The following GRIK1 variants were observed in gnomAD, a reference collection of about 807,000 sequenced individuals.
The protein encoded by GRIK1 is glutamate ionotropic receptor kainate type subunit 1, also known as glutamate receptor ionotropic, kainate 1.
In GRIK1, 69 loss-of-function variants were observed where a neutral mutation model predicts 105.7. The ratio of observed to expected loss-of-function variants is 0.65; its 90% CI spans 0.54 to 0.80. The LOEUF is 0.80. Ranked by LOEUF, GRIK1 falls within the 30% of genes least tolerant of loss-of-function variation. The pLI is 0.00. For synonymous variants in GRIK1, 438 were observed against 431.3 expected (o/e 1.02, Z -0.19); for missense variants, 1,109 against 1,167.3 (o/e 0.95, Z 0.73).
At chr21:29,776,730 G>A (rs2065953688) in intron 1 of GRIK1, among the ~76,000 whole-genome samples, 1 of 152,192 alleles carries the variant, frequency 6.6e-6, no homozygotes, top group Non-Finnish European at 1.5e-5. Context: ...ACAAGCAAAT[G>A]TGGACTTTTC....
At chr21:29,814,998 A>G (rs2067116884) in intron 1 of GRIK1, among the ~76,000 whole-genome samples, 1 of 152,146 alleles carries the variant, frequency 6.6e-6, no homozygotes, top group Non-Finnish European at 1.5e-5. Context: ...CATCCATTTT[A>G]TAAGCTTGTT....
intron 1 of GRIK1, among the ~76,000 whole-genome samples, chr21:29,771,539 A>C (rs868353204): frequency 6.6e-6 from 1 of 152,188 alleles, no homozygotes; most frequent in African/African-American, 2.4e-5. Flanking sequence ...TGGCCAGTGA[A>C]ATGTTATTCT....
chr21:29,671,097 C>CT (rs2063151419), intron 4 of GRIK1, among the ~76,000 whole-genome samples: 1 of 152,034 alleles, frequency 6.6e-6, no homozygotes, highest in South Asian at 2.1e-4. Context: ...TCAAATGCAA[C>CT]TTTGTGTTCC....
intron 1 of GRIK1, among the ~76,000 whole-genome samples, chr21:29,695,227 C>T (rs528665124): frequency 6.6e-6 from 1 of 152,210 alleles, no homozygotes; most frequent in East Asian, 1.9e-4. Flanking sequence ...GTGTTGTTAA[C>T]TGTACAGTTC....
At chr21:29,674,910 T>G (rs2063236638) in intron 3 of GRIK1, among the ~76,000 whole-genome samples, 1 of 152,198 alleles carries the variant, frequency 6.6e-6, no homozygotes, top group Admixed American at 6.5e-5. Flanking sequence ...TCTTGCTCCT[T>G]TTCAAATCAG....
chr21:29,831,553 G>C (rs984010780), intron 1 of GRIK1, among the ~76,000 whole-genome samples: 1 of 152,098 alleles, frequency 6.6e-6, no homozygotes, highest in African/African-American at 2.4e-5. Flanking sequence ...AGGGGAAGCA[G>C]GAACATCTTA....
intron 1 of GRIK1, among the ~76,000 whole-genome samples, chr21:29,799,080 C>T (rs1291384943): frequency 6.6e-6 from 1 of 152,200 alleles, no homozygotes; most frequent in Non-Finnish European, 1.5e-5. Flanking sequence ...TGCCAGCAAT[C>T]CCAGGCTAAA....
At chr21:29,725,022 A>T (rs540511619) in intron 1 of GRIK1, among the ~76,000 whole-genome samples, 1 of 151,806 alleles carries the variant, frequency 6.6e-6, no homozygotes, top group Non-Finnish European at 1.5e-5. Flanking sequence ...AAAAAAAAAA[A>T]AAAAGAAACT....
intron 1 of GRIK1, among the ~76,000 whole-genome samples, chr21:29,769,940 A>C (rs2065772678): frequency 6.6e-6 from 1 of 152,166 alleles, no homozygotes; most frequent in African/African-American, 2.4e-5. Flanking sequence ...TGTTCACTGA[A>C]TTTTTGAGTT....
At position 29,908,293 on chromosome 21, in the gene GRIK1, A is replaced by G. The variant is rs1350368743; in HGVS notation, c.118+31090T>C. On this transcript the variant is annotated intron_variant, in intron 1 of 17. Coordinates refer to ENST00000327783, the MANE Select transcript of GRIK1 (RefSeq NM_001330994.2). The stretch of plus-strand genomic sequence containing the variant: ...TAATTCTCTAATAACTCAGTTTCCT[A>G]GATATCAACCACTTTTCACCATCTT... 2.0e-5 allele frequency among the ~76,000 whole-genome samples: 3 copies of G among 152,178 alleles called. No individual in the cohort carries two copies. In the East Asian group the frequency reaches 5.8e-4, roughly 29 times the overall value.
rs181421039 is a variant in GRIK1, at chr21:29,647,379, G to A, written c.954+3739C>T. On this transcript the variant is annotated intron_variant, in intron 6 of 17. Transcript: ENST00000327783. ...CTTAACCCTAGGCTTTCATTATCTC[G>A]GAAGATTTTGCTTTCTGTACTGAAT... Among the ~76,000 whole-genome samples, 13 of 152,224 alleles carry A rather than the reference G, an allele frequency of 8.5e-5. No individual in the cohort carries two copies. In the East Asian group the frequency reaches 1.4e-3, roughly 16 times the overall value.
At position 29,612,558 on chromosome 21, in the gene GRIK1, A is replaced by C. The variant is rs142415062; in HGVS notation, c.1099-13621T>G. On this transcript the variant is annotated intron_variant, in intron 7 of 17. Coordinates refer to ENST00000327783, the MANE Select transcript of GRIK1 (RefSeq NM_001330994.2). Reference sequence around the variant, plus strand: ...CCTTCAGTACATTGTCAGTGCATTCATTTCTCACCAACTCAAAATATCTCC... The same window carrying C: ...CCTTCAGTACATTGTCAGTGCATTCCTTTCTCACCAACTCAAAATATCTCC... Among the ~76,000 whole-genome samples the C allele has an allele frequency of 1.1e-3, 167 of 152,298 alleles. 1 individual carries two copies. The highest frequency in any genetic ancestry group is 3.9e-3 in the African/African-American group (161 of 41,568).
intron 1 of GRIK1, among the ~76,000 whole-genome samples, chr21:29,828,636 G>T (rs1373016864): frequency 6.6e-6 from 1 of 151,838 alleles, no homozygotes; most frequent in Non-Finnish European, 1.5e-5. Flanking sequence ...CAAGTAGCAG[G>T]GACTGTAGCT....
chr21:29,657,531 G>A (rs770791089), intron 4 of GRIK1: 2 of 152,180 alleles, frequency 1.3e-5, no homozygotes, highest in Non-Finnish European at 2.9e-5. Flanking sequence ...ATTTGCTGTA[G>A]TAGAAAAATT....
chr21:29,637,279 T>C (rs990560202), intron 7 of GRIK1, among the ~76,000 whole-genome samples: 1 of 152,216 alleles, frequency 6.6e-6, no homozygotes, highest in African/African-American at 2.4e-5. Context: ...CCTTCTTCTT[T>C]CCAGATGCTT....
chr21:29,605,303 G>C (rs1943061370), intron 7 of GRIK1, among the ~76,000 whole-genome samples: 1 of 152,120 alleles, frequency 6.6e-6, no homozygotes. Flanking sequence ...ACTTATAAGT[G>C]AGCACATGCG....
chr21:29,794,417 G>A (rs193036933), intron 1 of GRIK1, among the ~76,000 whole-genome samples: 104 of 152,244 alleles, frequency 6.8e-4, no homozygotes, highest in East Asian at 1.2e-3. Flanking sequence ...ACTTTTAAAA[G>A]CCCAGCAAAT....
intron 1 of GRIK1, among the ~76,000 whole-genome samples, chr21:29,754,948 A>G (rs903647016): frequency 4.6e-5 from 7 of 152,030 alleles, no homozygotes; most frequent in Non-Finnish European, 7.4e-5. Flanking sequence ...CTCTATCTAT[A>G]TATCTAAATC....
chr21:29,821,420 G>A (rs1261200465), intron 1 of GRIK1, among the ~76,000 whole-genome samples: 1 of 151,998 alleles, frequency 6.6e-6, no homozygotes, highest in African/African-American at 2.4e-5. Flanking sequence ...AGCACTTCCA[G>A]CATCACCAGT....
Sources: allele counts gnomAD v4.1 joint callset (sites outside exome capture counted in the v4.1 genomes callset), GRCh38; gene constraint gnomAD v4.1.1; transcripts MANE v1.5; gene names NCBI Gene and HGNC (gene_info 2026-07-23, HGNC 2026-07-21).